GON4L: variants seen among roughly 807,000 people sequenced by gnomAD.
GON4L encodes gon-4 like, also known as GON-4-like protein.
Under a neutral mutation model 211.8 loss-of-function variants are expected in GON4L, and 87 were observed. The observed-to-expected ratio is 0.41, with a 90% CI of 0.35 to 0.49. The LOEUF (loss-of-function observed/expected upper bound fraction) is 0.49, where lower values mean the gene tolerates loss of function less well. Ranked by LOEUF, GON4L falls within the 20% of genes least tolerant of loss-of-function variation. The pLI, the probability that GON4L is intolerant of heterozygous loss-of-function variation, is 0.15. For missense variants in GON4L, 2,155 were observed against 2,659.5 expected (o/e 0.81, Z 4.17); for synonymous variants, 875 against 962.6 (o/e 0.91, Z 1.68).
Position 155,765,585 on chromosome 1 carries a change from C to T in GON4L, c.3888G>A (p.Glu1296=). ...GCGGCTCCAGAGCTTGCCTCCCCTC[C>T]TCTGTTTTCACAACGGTCCAGCGAC... ...SACRWTVVKT[E]EGRQALEPLP... Residue 1296 remains glutamate, a synonymous_variant, in exon 21 of 32, where the codon GAG becomes GAA. Coordinates refer to ENST00000368331, the MANE Select transcript of GON4L (RefSeq NM_001282860.2). The T allele has an allele frequency of 6.2e-7, 1 of 1,614,186 alleles. No individual in the cohort carries two copies.
chr1:155,848,302 C>T (rs1417562744), intron 2 of GON4L, among the ~76,000 whole-genome samples: 1 of 151,518 alleles, frequency 6.6e-6, no homozygotes, highest in African/African-American at 2.4e-5. Flanking sequence ...CTCTCAAATA[C>T]CTTCCCTATG....
intron 23 of GON4L, among the ~76,000 whole-genome samples, chr1:155,761,219 T>G (rs944390444): frequency 1.3e-5 from 2 of 149,846 alleles, no homozygotes. Flanking sequence ...CTCATTCTGT[T>G]GCCCAGGATG....
chr1:155,783,988 T>C lies in GON4L; in HGVS notation c.1890A>G (p.Leu630=). Residue 630 remains leucine (L), a splice_region_variant and synonymous_variant, in exon 14 of 32, where the codon CTA becomes CTG. Transcript: ENST00000368331. ...PRPNFNTPQA[L]RFEEPLANLL... ...CTCAAGGTCTTCAACTAGCCTACCG[T>C]AGAGCTTGAGGGGTGTTAAAGTTAG... The C allele has an allele frequency of 2.5e-6, 4 of 1,613,464 alleles. No individual in the cohort carries two copies. Among genetic ancestry groups the C allele is most frequent in the Non-Finnish European group, 3.4e-6 (4 of 1,179,406 alleles).
chr1:155,774,818 G>A, intron 17 of GON4L, 184 bp downstream of exon 17: 2 of 924,702 alleles, frequency 2.2e-6, no homozygotes, highest in African/African-American at 1.6e-5. Context: ...CAGGCCCAGA[G>A]ATTATCATGT....
intron 2 of GON4L, among the ~76,000 whole-genome samples, chr1:155,830,298 A>G (rs796299099): frequency 8.2e-5 from 12 of 146,998 alleles, no homozygotes; most frequent in African/African-American, 3.0e-4. Flanking sequence ...TTTTCTTGAG[A>G]CGGAGTTCCA....
At position 155,757,321 on chromosome 1, in the gene GON4L, G is replaced by C; in HGVS notation, c.5256C>G (p.Leu1752=). Residue 1752 remains leucine, a splice_region_variant and synonymous_variant, in exon 26 of 32, where the codon CTC becomes CTG. Coordinates refer to ENST00000368331, the MANE Select transcript of GON4L (RefSeq NM_001282860.2). ...TGAGGAGCTGCCACATCTGTGTCTT[G>C]AGCTGAGGAGAGTCACAGAGGGAAA... The part of the protein sequence containing the change: ...ADCLPQEITE[L]KTQMWQLLKG... 2 of 1,613,278 alleles carry C rather than the reference G, an allele frequency of 1.2e-6. No individual in the cohort carries two copies. Among genetic ancestry groups the C allele is most frequent in the East Asian group, 2.2e-5 (1 of 44,872 alleles).
intron 2 of GON4L, among the ~76,000 whole-genome samples, chr1:155,840,509 A>G (rs1178028830): frequency 2.0e-5 from 3 of 152,156 alleles, no homozygotes; most frequent in Admixed American, 2.0e-4. Context: ...AGGTTGTGAT[A>G]TATTTTTACA....
At chr1:155,819,547 A>G (rs1159759686) in intron 6 of GON4L, among the ~76,000 whole-genome samples, 1 of 151,406 alleles carries the variant, frequency 6.6e-6, no homozygotes, top group East Asian at 1.9e-4. Context: ...TGAGCCACCA[A>G]GCCCAGCCTA....
downstream of GON4L, among the ~76,000 whole-genome samples, chr1:155,746,463 GT>G (rs1365574736): frequency 4.1e-5 from 3 of 73,214 alleles, no homozygotes; most frequent in East Asian, 7.1e-4. Context: ...CTAAGCCAAG[GT>G]TTTTCCCCCA....
chr1:155,812,064 G>C (rs1203764275), intron 10 of GON4L, among the ~76,000 whole-genome samples: 1 of 151,804 alleles, frequency 6.6e-6, no homozygotes, highest in Non-Finnish European at 1.5e-5. Flanking sequence ...AAAAAAAACA[G>C]AAAGAAAGGA....
intron 12 of GON4L, among the ~76,000 whole-genome samples, chr1:155,791,186 T>C (rs1156471809): frequency 6.6e-6 from 1 of 151,608 alleles, no homozygotes; most frequent in Non-Finnish European, 1.5e-5. Flanking sequence ...CGCTTGAACC[T>C]GGGAGGCGGA....
intron 9 of GON4L, among the ~76,000 whole-genome samples, chr1:155,814,007 C>G (rs1363018517): frequency 1.3e-5 from 2 of 152,192 alleles, no homozygotes; most frequent in Non-Finnish European, 2.9e-5. Flanking sequence ...GAGAAGTCAA[C>G]AGAATGCTAC....
At chr1:155,786,254 G>A (rs192199572) in intron 12 of GON4L, among the ~76,000 whole-genome samples, 9 of 152,264 alleles carry the variant, frequency 5.9e-5, no homozygotes, top group Non-Finnish European at 1.5e-5. Flanking sequence ...AAGAAGACAG[G>A]AGAAAATGTG....
chr1:155,747,709 G>C (rs751759610), downstream of GON4L: 3 of 1,613,896 alleles, frequency 1.9e-6, no homozygotes, highest in Non-Finnish European at 2.5e-6. Flanking sequence ...GCACTCCAGG[G>C]TGGAAGCTCT....
chr1:155,748,106 C>G, downstream of GON4L: 2 of 1,606,108 alleles, frequency 1.2e-6, no homozygotes, highest in Non-Finnish European at 1.7e-6. Flanking sequence ...CACCTGTCAA[C>G]TTCCCTTACC....
intron 9 of GON4L, 81 bp from the exon 10 acceptor site, chr1:155,813,885 G>GCAA: frequency 8.5e-7 from 1 of 1,172,382 alleles, no homozygotes. Flanking sequence ...AAAAGAGAGG[G>GCAA]AAAAAGAGGC....
intron 6 of GON4L, among the ~76,000 whole-genome samples, chr1:155,818,192 G>A (rs940470353): frequency 1.3e-5 from 2 of 151,192 alleles, no homozygotes; most frequent in Non-Finnish European, 2.9e-5. Context: ...CATGGTCTCC[G>A]CTCACTGCAA....
chr1:155,813,847 G>C, intron 9 of GON4L, 43 bp from the exon 10 acceptor site: 2 of 1,532,672 alleles, frequency 1.3e-6, no homozygotes, highest in Non-Finnish European at 1.8e-6. Flanking sequence ...AAGGAGGTAA[G>C]AAAGAAAGAG....
intron 19 of GON4L, among the ~76,000 whole-genome samples, chr1:155,768,020 A>G (rs551330918): frequency 1.3e-5 from 2 of 152,296 alleles, no homozygotes; most frequent in African/African-American, 2.4e-5. Context: ...TTTTAAGAGT[A>G]AATGAAGGTT....
Sources: gnomAD v4.1 joint callset for allele counts (sites outside exome capture counted in the v4.1 genomes callset) on GRCh38, gnomAD v4.1.1 for gene constraint, MANE v1.5 for transcripts, NCBI Gene and HGNC (gene_info 2026-07-23, HGNC 2026-07-21) for gene names.